Variants in IL1RAPL2 observed in about 807,000 individuals in gnomAD.
IL1RAPL2 encodes X-linked interleukin-1 receptor accessory protein-like 2.
Under a neutral mutation model 44.1 loss-of-function variants are expected in IL1RAPL2, and 3 were observed. That is an observed-to-expected ratio of 0.07 (90% confidence interval 0.03 to 0.18). The LOEUF is 0.18. Among genes scored for constraint, IL1RAPL2 ranks in the 10% least tolerant of loss-of-function variants. The probability of loss-of-function intolerance (pLI) is 1.00; values close to 1 mark genes in which losing one functional copy is unlikely to be tolerated. For missense variants in IL1RAPL2, 391 were observed against 496.4 expected, an observed-to-expected ratio of 0.79 and a Z score of 2.02; for synonymous variants, 181 against 178.8, an observed-to-expected ratio of 1.01 and a Z score of -0.10.
intron 6 of IL1RAPL2, among the ~76,000 whole-genome samples, chrX:105,524,233 C>T (rs1311437365): frequency 2.7e-5 from 3 of 111,280 alleles, no homozygotes; most frequent in South Asian, 3.7e-4. Context: ...ATTTAATATT[C>T]GGTCAAGCTG....
At chrX:105,470,488 G>C (rs993066162) in intron 5 of IL1RAPL2, among the ~76,000 whole-genome samples, 2 of 111,828 alleles carry the variant, frequency 1.8e-5, no homozygotes, top group African/African-American at 6.5e-5. Flanking sequence ...TCATAAGGCT[G>C]ATGAAGTGGC....
At chrX:104,663,730 G>C (rs997284401) in intron 2 of IL1RAPL2, among the ~76,000 whole-genome samples, 3 of 105,354 alleles carry the variant, frequency 2.8e-5, no homozygotes, top group Non-Finnish European at 1.9e-5. Flanking sequence ...AGTGATATAG[G>C]ACAATGTTTG....
At chrX:104,830,150 G>C (rs955068880) in intron 2 of IL1RAPL2, among the ~76,000 whole-genome samples, 9 of 111,632 alleles carry the variant, frequency 8.1e-5, no homozygotes, top group Non-Finnish European at 1.5e-4. Context: ...GCAGTAAACA[G>C]ATGTAACCAA....
chrX:105,128,814 A>C (rs1185976040), intron 2 of IL1RAPL2, among the ~76,000 whole-genome samples: 1 of 111,405 alleles, frequency 9.0e-6, no homozygotes, highest in Non-Finnish European at 1.9e-5. Context: ...GAAGACATAC[A>C]TGTTTCGTAT....
chrX:104,905,092 A>C (rs1435455395), intron 2 of IL1RAPL2, among the ~76,000 whole-genome samples: 1 of 111,296 alleles, frequency 9.0e-6, no homozygotes, highest in Non-Finnish European at 1.9e-5. Context: ...TTGGCTGCAT[A>C]AATGTCTTCT....
intron 2 of IL1RAPL2, among the ~76,000 whole-genome samples, chrX:104,874,618 A>C (rs1253182458): frequency 1.8e-5 from 2 of 111,185 alleles, no homozygotes; most frequent in African/African-American, 6.5e-5. Context: ...AATTGGCAGG[A>C]AGAATTTTTA....
chrX:104,704,763 G>A (rs1277038482), intron 2 of IL1RAPL2, among the ~76,000 whole-genome samples: 2 of 111,486 alleles, frequency 1.8e-5, no homozygotes, highest in African/African-American at 3.3e-5. Flanking sequence ...ACCTTTAGTC[G>A]CTAATTACAA....
chrX:105,284,900 G>A (rs1232707167), intron 5 of IL1RAPL2, among the ~76,000 whole-genome samples: 2 of 111,633 alleles, frequency 1.8e-5, no homozygotes, highest in Non-Finnish European at 3.8e-5. Flanking sequence ...GAGAAAGTAG[G>A]TCTAATTACT....
In IL1RAPL2 at chrX:105,195,751, G is replaced by A. The variant is rs370576391; in HGVS notation, c.356+3G>A. 3.3e-6 allele frequency: 4 copies of A among 1,208,075 alleles called. No homozygotes were observed. The African/African-American group carries it at 7.0e-5, about 21-fold the overall frequency. ...GGATTCTACACTTGTGTTTTAAGGT[G>A]AGTGTTGTGTGAAAACATTGCCCAA... On this transcript the variant is annotated splice_donor_region_variant and intron_variant, in intron 3 of 10. Coordinates refer to ENST00000372582, the MANE Select transcript of IL1RAPL2 (RefSeq NM_017416.2).
chrX:105,238,299 T>C (rs1292872975), intron 4 of IL1RAPL2, among the ~76,000 whole-genome samples: 2 of 112,347 alleles, frequency 1.8e-5, no homozygotes, highest in Non-Finnish European at 3.8e-5. Context: ...TAACTTAAAA[T>C]ATGTAAGAAA....
intron 2 of IL1RAPL2, among the ~76,000 whole-genome samples, chrX:105,118,480 G>T (rs1253007692): frequency 8.9e-6 from 1 of 112,266 alleles, no homozygotes; most frequent in Non-Finnish European, 1.9e-5. Context: ...AGGCCAATTT[G>T]TGTTAGGATT....
intron 2 of IL1RAPL2, among the ~76,000 whole-genome samples, chrX:104,758,173 C>T (rs1269804840): frequency 9.0e-6 from 1 of 111,700 alleles, no homozygotes; most frequent in Non-Finnish European, 1.9e-5. Context: ...AATGCTTGTT[C>T]TACTCTCTTG....
chrX:105,157,418 G>C (rs1335234549), intron 2 of IL1RAPL2, among the ~76,000 whole-genome samples: 1 of 111,878 alleles, frequency 8.9e-6, no homozygotes, highest in Admixed American at 9.5e-5. Context: ...TTCTAACTCA[G>C]CCGCTACAAT....
intron 2 of IL1RAPL2, among the ~76,000 whole-genome samples, chrX:104,856,750 C>T (rs985012063): frequency 4.5e-5 from 5 of 111,723 alleles, no homozygotes; most frequent in Admixed American, 9.5e-5. Flanking sequence ...GCAAAACTTA[C>T]CTTCAAAAAC....
intron 2 of IL1RAPL2, among the ~76,000 whole-genome samples, chrX:104,936,837 A>C (rs988548641): frequency 3.6e-5 from 4 of 110,176 alleles, no homozygotes; most frequent in African/African-American, 1.3e-4. Context: ...CGATCTCCTG[A>C]CCTCGTGATC....
At chrX:105,222,100 T>C (rs1327836324) in intron 3 of IL1RAPL2, among the ~76,000 whole-genome samples, 1 of 111,744 alleles carries the variant, frequency 8.9e-6, no homozygotes, top group Non-Finnish European at 1.9e-5. Context: ...GACATTAGAA[T>C]CTCACCCCAG....
intron 3 of IL1RAPL2, among the ~76,000 whole-genome samples, chrX:105,208,743 A>G (rs1307190657): frequency 9.0e-6 from 1 of 111,701 alleles, no homozygotes; most frequent in African/African-American, 3.3e-5. Flanking sequence ...TACATTTTTA[A>G]TTTTTTATTC....
At chrX:105,368,431 C>A (rs572147866) in intron 5 of IL1RAPL2, among the ~76,000 whole-genome samples, 2 of 111,720 alleles carry the variant, frequency 1.8e-5, no homozygotes, top group East Asian at 2.8e-4. Context: ...TATAGCAACA[C>A]TAAATAGATT....
chrX:105,653,441 C>T (rs984995552), intron 6 of IL1RAPL2, among the ~76,000 whole-genome samples: 1 of 111,288 alleles, frequency 9.0e-6, no homozygotes, highest in Non-Finnish European at 1.9e-5. Flanking sequence ...TAAACTATAT[C>T]TGATATAGCA....
Sources: allele counts gnomAD v4.1 joint callset (sites outside exome capture counted in the v4.1 genomes callset), GRCh38; gene constraint gnomAD v4.1.1; transcripts MANE v1.5; gene names NCBI Gene and HGNC (gene_info 2026-07-23, HGNC 2026-07-21).